The following SAXO2 variants were observed in gnomAD, a reference collection of about 807,000 sequenced individuals.
SAXO2 encodes family with sequence similarity 154, member B.
A neutral mutation model predicts 18.7 loss-of-function variants in SAXO2; 17 were observed. The ratio of observed to expected loss-of-function variants is 0.91; its 90% CI spans 0.62 to 1.36. The LOEUF (loss-of-function observed/expected upper bound fraction) is 1.36, where lower values mean the gene tolerates loss of function less well. Ranked by LOEUF, SAXO2 falls within the 40% of genes most tolerant of loss-of-function variation. SAXO2 has a pLI of 0.00. For missense variants in SAXO2, 486 were observed against 562.6 expected (o/e 0.86, Z 1.38); for synonymous variants, 163 against 181.2 (o/e 0.90, Z 0.81).
chr15:82,281,086 C>T (rs1488336312), intron 3 of SAXO2, among the ~76,000 whole-genome samples: 1 of 152,148 alleles, frequency 6.6e-6, no homozygotes, highest in African/African-American at 2.4e-5. Flanking sequence ...AGTACATTAT[C>T]CTGTGTAATA....
rs571946438 is a variant in SAXO2, at chr15:82,283,252, T to G, written c.*190T>G. On this transcript the variant is annotated 3_prime_UTR_variant, in exon 4 of 4. Coordinates refer to ENST00000682753, the MANE Select transcript of SAXO2 (RefSeq NM_001348699.2). ...TTTTTATTGATATTTTAATCAAGAT[T>G]GTTCTTTAATGTGCATTTCAGAAGG... The G allele has an allele frequency of 3.0e-4, 116 of 392,056 alleles. No homozygotes were observed. The highest frequency in any genetic ancestry group is 2.2e-3 in the African/African-American group (103 of 47,768). 24.3% of individuals were successfully genotyped at this position (392,056 alleles called of 1,614,324 possible).
chr15:82,262,830 C>A lies in SAXO2; in HGVS notation c.-50C>A, dbSNP rs766901863. 5 of 1,546,006 alleles carry A rather than the reference C, an allele frequency of 3.2e-6. No individual in the cohort carries two copies. In the African/African-American group the frequency reaches 5.5e-5, roughly 17 times the overall value. On this transcript the variant is annotated 5_prime_UTR_variant, in exon 1 of 4. Transcript: ENST00000682753. ...CCTCTGTTGCCTTGACTACGGCGGG[C>A]GCTGTGGGAGTGGAGAAGCTGCAAG...
At chr15:82,281,997 T>C in intron 3 of SAXO2, 122 bp from the exon 4 acceptor site, 1 of 792,486 alleles carries the variant, frequency 1.3e-6, no homozygotes, top group Non-Finnish European at 2.0e-6. Context: ...CTGATACTAT[T>C]GTTTAGATTT....
chr15:82,277,369 A>T (rs2141375739), intron 3 of SAXO2, among the ~76,000 whole-genome samples: 1 of 152,342 alleles, frequency 6.6e-6, no homozygotes, highest in African/African-American at 2.4e-5. Flanking sequence ...TATTTTAAAA[A>T]ATATGCCAAT....
chr15:82,274,638 G>A (rs536318952), intron 3 of SAXO2, among the ~76,000 whole-genome samples: 2 of 150,932 alleles, frequency 1.3e-5, no homozygotes, highest in African/African-American at 4.9e-5. Context: ...GGGAGGTGGA[G>A]TTGCAGTGAG....
At chr15:82,269,673 A>G (rs1224206155) in intron 2 of SAXO2, among the ~76,000 whole-genome samples, 1 of 152,192 alleles carries the variant, frequency 6.6e-6, no homozygotes, top group Non-Finnish European at 1.5e-5. Flanking sequence ...GATTTACATG[A>G]GAAAGAATTA....
At chr15:82,278,638 G>T (rs1296211008) in intron 3 of SAXO2, among the ~76,000 whole-genome samples, 1 of 151,990 alleles carries the variant, frequency 6.6e-6, no homozygotes, top group African/African-American at 2.4e-5. Context: ...GCTTCATCCA[G>T]ATAAACTATA....
chr15:82,280,439 G>A (rs1241449710), intron 3 of SAXO2, among the ~76,000 whole-genome samples: 1 of 150,512 alleles, frequency 6.6e-6, no homozygotes, highest in Non-Finnish European at 1.5e-5. Context: ...GAAAAATAGT[G>A]TTATACTTTT....
At chr15:82,275,421 C>G (rs2075306926) in intron 3 of SAXO2, among the ~76,000 whole-genome samples, 1 of 149,732 alleles carries the variant, frequency 6.7e-6, no homozygotes, top group African/African-American at 2.4e-5. Flanking sequence ...CTCCCTGACT[C>G]ATTCTGTGAA....
intron 3 of SAXO2, among the ~76,000 whole-genome samples, chr15:82,273,453 G>A (rs549745999): frequency 4.6e-5 from 7 of 151,996 alleles, no homozygotes; most frequent in East Asian, 3.9e-4. Flanking sequence ...TAAATTTCAC[G>A]CCTACCCATT....
At chr15:82,273,491 A>C (rs1471583872) in intron 3 of SAXO2, among the ~76,000 whole-genome samples, 1 of 152,200 alleles carries the variant, frequency 6.6e-6, no homozygotes, top group East Asian at 1.9e-4. Flanking sequence ...GCAGGATATC[A>C]ATATGCTTTC....
At chr15:82,263,531 G>A in intron 1 of SAXO2, 1 of 673,176 alleles carries the variant, frequency 1.5e-6, no homozygotes, top group South Asian at 1.6e-5. Context: ...TCCTTCCTCA[G>A]CTTCACTATT....
chr15:82,263,870 CTTGT>C (rs1290742603), intron 1 of SAXO2, among the ~76,000 whole-genome samples: 2 of 151,890 alleles, frequency 1.3e-5, no homozygotes, highest in Non-Finnish European at 2.9e-5. Flanking sequence ...GATTTTACTT[CTTGT>C]TTGTTTGTTT....
At position 82,282,103 on chromosome 15, in the gene SAXO2, T is replaced by C; in HGVS notation, c.434-16T>C. 2 of 1,555,272 alleles carry C rather than the reference T, an allele frequency of 1.3e-6. No homozygotes were observed. Among genetic ancestry groups the C allele is most frequent in the Non-Finnish European group, 1.7e-6 (2 of 1,154,098 alleles). On this transcript the variant is annotated splice_polypyrimidine_tract_variant and intron_variant, in intron 3 of 3. Coordinates refer to ENST00000682753, the MANE Select transcript of SAXO2 (RefSeq NM_001348699.2). ...TCAGCATTTAAAAATGTTTTTGCTT[T>C]GTTTTAATTTTCAAGACGATTATAG...
intron 2 of SAXO2, among the ~76,000 whole-genome samples, chr15:82,267,827 G>A (rs1332411400): frequency 6.6e-6 from 1 of 152,140 alleles, no homozygotes; most frequent in Non-Finnish European, 1.5e-5. Flanking sequence ...ATCTAGAAGT[G>A]TTAAAATTGC....
intron 3 of SAXO2, among the ~76,000 whole-genome samples, chr15:82,272,957 G>A (rs1015103878): frequency 6.6e-6 from 1 of 151,832 alleles, no homozygotes; most frequent in Non-Finnish European, 1.5e-5. Context: ...CCAGGCTGGA[G>A]TATAGTGGCG....
At position 82,282,509 on chromosome 15, in the gene SAXO2, G is replaced by A; in HGVS notation, c.824G>A (p.Ser275Asn). 1 of 1,614,150 alleles carries A rather than the reference G, an allele frequency of 6.2e-7. No homozygotes were observed. The highest frequency in any genetic ancestry group is 1.3e-5 in the African/African-American group (1 of 75,032). The change falls in exon 4 of 4, where the codon AGC (serine) becomes AAC (asparagine). Residue 275 changes from serine to asparagine, a missense_variant. Ser to Asn is a conservative substitution (Grantham distance 46). Transcript: ENST00000682753. ...RVTQNALFEGSTEFRESFQPW... is the reference protein window; with the variant it reads ...RVTQNALFEGNTEFRESFQPW... ...ACCCAGAATGCTCTGTTTGAAGGAAGCACTGAATTCCGTGAAAGTTTTCAA... is the reference window on the plus strand; with the variant it reads ...ACCCAGAATGCTCTGTTTGAAGGAAACACTGAATTCCGTGAAAGTTTTCAA...
chr15:82,266,728 CT>C (rs535157485), intron 2 of SAXO2, among the ~76,000 whole-genome samples: 10 of 152,270 alleles, frequency 6.6e-5, no homozygotes, highest in African/African-American at 2.2e-4. Context: ...AGGTAAAATT[CT>C]TCTATGTAAG....
At chr15:82,267,176 G>A (rs1192181348) in intron 2 of SAXO2, among the ~76,000 whole-genome samples, 1 of 152,202 alleles carries the variant, frequency 6.6e-6, no homozygotes, top group Non-Finnish European at 1.5e-5. Flanking sequence ...CCAATAATAT[G>A]TGCCCAAGGT....
Sources: gnomAD v4.1 joint callset for allele counts (sites outside exome capture counted in the v4.1 genomes callset) on GRCh38, gnomAD v4.1.1 for gene constraint, MANE v1.5 for transcripts, NCBI Gene and HGNC (gene_info 2026-07-23, HGNC 2026-07-21) for gene names.